Variants in PITPNC1 observed in about 807,000 individuals in gnomAD.
The protein encoded by PITPNC1 is cytoplasmic phosphatidylinositol transfer protein 1.
In PITPNC1, 18 loss-of-function variants were observed where a neutral mutation model predicts 44.7. That is an observed-to-expected ratio of 0.40 (90% CI 0.28 to 0.60). PITPNC1 has a LOEUF of 0.60. PITPNC1 is among the 20% of genes least tolerant of loss of function. The probability of loss-of-function intolerance (pLI) is 0.39; values close to 1 mark genes in which losing one functional copy is unlikely to be tolerated. For missense variants in PITPNC1, 290 were observed against 418.4 expected, an observed-to-expected ratio of 0.69 and a Z score of 2.68; for synonymous variants, 141 against 149.6, an observed-to-expected ratio of 0.94 and a Z score of 0.42.
rs1399213088 is a variant in PITPNC1, at chr17:67,377,384, G to A, written c.-771G>A. 1.3e-5 allele frequency: 2 copies of A among 152,308 alleles called. No individual in the cohort carries two copies. Among genetic ancestry groups the A allele is most frequent in the Admixed American group, 6.5e-5 (1 of 15,270 alleles). The allele number at this position is 152,308 out of a possible 1,614,324, so 9.4% of individuals were successfully genotyped here. On this transcript the variant is annotated 5_prime_UTR_variant, in exon 1 of 9. Coordinates refer to ENST00000581322, the MANE Select transcript of PITPNC1 (RefSeq NM_012417.4). ...GGGCACGCACGGCGCCCGGGGAGCC[G>A]AGGGACTCGGGGGAGGGGACGCGCG...
intron 6 of PITPNC1, among the ~76,000 whole-genome samples, chr17:67,648,468 G>A (rs750620145): frequency 1.3e-5 from 2 of 152,130 alleles, no homozygotes; most frequent in Non-Finnish European, 2.9e-5. Flanking sequence ...ATTAAGGTGG[G>A]GTCCTCTCCA....
chr17:67,544,247 G>A (rs7213904), intron 2 of PITPNC1, among the ~76,000 whole-genome samples: 3,370 of 152,256 alleles, frequency 0.022, 83 homozygotes, highest in East Asian at 0.1. Context: ...CCAAGGAATG[G>A]GGGCATGATA....
chr17:67,419,262 G>T (rs1005341868), intron 1 of PITPNC1, among the ~76,000 whole-genome samples: 3 of 152,118 alleles, frequency 2.0e-5, no homozygotes, highest in African/African-American at 4.8e-5. Context: ...TACATGTGGT[G>T]GAGAAATGGA....
At chr17:67,690,686 T>G (rs1431526138) in intron 8 of PITPNC1, among the ~76,000 whole-genome samples, 1 of 152,174 alleles carries the variant, frequency 6.6e-6, no homozygotes. Flanking sequence ...TTTTGCATTT[T>G]GCTCCAGGAT....
intron 1 of PITPNC1, among the ~76,000 whole-genome samples, chr17:67,465,286 G>A (rs1170008872): frequency 6.6e-6 from 1 of 152,218 alleles, no homozygotes; most frequent in Non-Finnish European, 1.5e-5. Context: ...AAATGAGAAA[G>A]GGGACGAAGG....
rs1281830078 is a variant in PITPNC1 at position 67,523,806 on chromosome 17, C to CCTT, written c.49-8996_49-8995insCTT. On this transcript the variant is annotated intron_variant, in intron 1 of 8. Transcript: ENST00000581322. ...CACCAGCTCAGAAATACATGGAAACCGTTTTTTTTTTTTTTTTTTTTTTTA... is the reference window on the plus strand; with the variant it reads ...CACCAGCTCAGAAATACATGGAAACCCTTGTTTTTTTTTTTTTTTTTTTTTTTA... Among the ~76,000 whole-genome samples, 13 of 127,600 alleles carry CCTT rather than the reference C, an allele frequency of 1.0e-4. 1 individual carries two copies. Among genetic ancestry groups the CCTT allele is most frequent in the Non-Finnish European group, 1.3e-4 (8 of 61,240 alleles). 83.7% of individuals were successfully genotyped at this position (127,600 alleles called of 152,430 possible).
intron 6 of PITPNC1, among the ~76,000 whole-genome samples, chr17:67,648,468 G>T (rs750620145): frequency 1.3e-5 from 2 of 152,130 alleles, no homozygotes; most frequent in Non-Finnish European, 2.9e-5. Context: ...ATTAAGGTGG[G>T]GTCCTCTCCA....
At chr17:67,518,104 C>T (rs780816911) in intron 1 of PITPNC1, among the ~76,000 whole-genome samples, 7 of 152,118 alleles carry the variant, frequency 4.6e-5, no homozygotes, top group Non-Finnish European at 1.0e-4. Flanking sequence ...CTGTAGGACT[C>T]GGCTGCCTTC....
chr17:67,662,041 C>T (rs2042356679), intron 6 of PITPNC1, among the ~76,000 whole-genome samples: 1 of 150,796 alleles, frequency 6.6e-6, no homozygotes, highest in Admixed American at 6.6e-5. Context: ...GGACCATCAG[C>T]AAACCCAGAG....
At chr17:67,559,725 A>C (rs148992799) in intron 4 of PITPNC1, among the ~76,000 whole-genome samples, 1 of 152,196 alleles carries the variant, frequency 6.6e-6, no homozygotes, top group Admixed American at 6.5e-5. Context: ...TGTCTCGACT[A>C]AAAATACAAA....
chr17:67,631,657 A>AAAAAAATATATATATAT (rs1555574522), intron 5 of PITPNC1, among the ~76,000 whole-genome samples: 1 of 7,682 alleles, frequency 1.3e-4, no homozygotes, highest in African/African-American at 3.7e-4. Context: ...AAAAAAAAAA[A>AAAAAAATATATATATAT]ATATATATAT....
At chr17:67,403,522 C>A (rs547863782) in intron 1 of PITPNC1, among the ~76,000 whole-genome samples, 1 of 152,270 alleles carries the variant, frequency 6.6e-6, no homozygotes, top group East Asian at 1.9e-4. Context: ...TTTACCAAGG[C>A]TTTGCTTTAA....
intron 8 of PITPNC1, among the ~76,000 whole-genome samples, chr17:67,690,459 A>AAAG (rs985995154): frequency 2.0e-5 from 3 of 151,832 alleles, no homozygotes; most frequent in Non-Finnish European, 2.9e-5. Flanking sequence ...AAAAAAAAAA[A>AAAG]AAAAGAAAAA....
rs2039926874 is a variant in PITPNC1 at position 67,495,040 on chromosome 17, G to GTTTGTTTTT, written c.49-37759_49-37758insGTTTTTTTT. Among the ~76,000 whole-genome samples the GTTTGTTTTT allele has an allele frequency of 6.2e-5, 4 of 64,722 alleles. 1 individual carries two copies. Among genetic ancestry groups the GTTTGTTTTT allele is most frequent in the East Asian group, 4.7e-4 (1 of 2,120 alleles). 42.5% of individuals were successfully genotyped at this position (64,722 alleles called of 152,430 possible). On this transcript the variant is annotated intron_variant, in intron 1 of 8. Transcript: ENST00000581322. Reference sequence around the variant, plus strand: ...TTTGGCAATATTGAGCCATGGAGTTGTTTTTTTTTTTGTTTTTTTTTTTTT... The same window carrying GTTTGTTTTT: ...TTTGGCAATATTGAGCCATGGAGTTGTTTGTTTTTTTTTTTTTTTTGTTTTTTTTTTTTT...
chr17:67,406,785 C>G (rs1308631974), intron 1 of PITPNC1, among the ~76,000 whole-genome samples: 1 of 152,014 alleles, frequency 6.6e-6, no homozygotes, highest in Admixed American at 6.6e-5. Context: ...CAGGGTTTCA[C>G]CACGTTGGCA....
intron 1 of PITPNC1, among the ~76,000 whole-genome samples, chr17:67,423,377 G>T (rs2038698558): frequency 6.6e-6 from 1 of 152,176 alleles, no homozygotes; most frequent in African/African-American, 2.4e-5. Context: ...TTGGGAGAGG[G>T]GGATGATATT....
At chr17:67,418,003 G>T (rs1213977878) in intron 1 of PITPNC1, among the ~76,000 whole-genome samples, 2 of 152,186 alleles carry the variant, frequency 1.3e-5, no homozygotes, top group Admixed American at 1.3e-4. Flanking sequence ...TCCAGCCACT[G>T]TACTCTAGCC....
chr17:67,449,160 C>T (rs1325190845), intron 1 of PITPNC1, among the ~76,000 whole-genome samples: 1 of 152,188 alleles, frequency 6.6e-6, no homozygotes, highest in African/African-American at 2.4e-5. Context: ...ACTTGAAGAT[C>T]GTCACCCAAG....
intron 5 of PITPNC1, among the ~76,000 whole-genome samples, chr17:67,587,324 CAAA>C (rs530075213): frequency 9.7e-6 from 1 of 103,164 alleles, no homozygotes. Flanking sequence ...CCCATCTCTA[CAAA>C]AAAAAAAAAA....
Sources: allele counts gnomAD v4.1 joint callset (sites outside exome capture counted in the v4.1 genomes callset), GRCh38; gene constraint gnomAD v4.1.1; transcripts MANE v1.5; gene names NCBI Gene and HGNC (gene_info 2026-07-23, HGNC 2026-07-21).